The following IL1RAPL2 variants were observed in gnomAD, a reference collection of about 807,000 sequenced individuals.
IL1RAPL2 encodes the protein X-linked interleukin-1 receptor accessory protein-like 2.
In IL1RAPL2, 3 loss-of-function variants were observed where a neutral mutation model predicts 44.1. The ratio of observed to expected loss-of-function variants is 0.07; its 90% CI spans 0.03 to 0.18. The LOEUF is 0.18. Among genes scored for constraint, IL1RAPL2 ranks in the 10% least tolerant of loss-of-function variants. The pLI, the probability that IL1RAPL2 is intolerant of heterozygous loss-of-function variation, is 1.00. For synonymous variants in IL1RAPL2, 181 were observed against 178.8 expected (o/e 1.01, Z -0.10); for missense variants, 391 against 496.4 (o/e 0.79, Z 2.02).
At chrX:105,592,246 TTTG>T (rs373000398) in intron 6 of IL1RAPL2, among the ~76,000 whole-genome samples, 70 of 112,073 alleles carry the variant, frequency 6.2e-4, no homozygotes, top group African/African-American at 2.1e-3. Flanking sequence ...CCGTCAATTT[TTTG>T]TTGTTGTTGT....
At chrX:104,632,637 TC>T (rs1187666467) in intron 1 of IL1RAPL2, among the ~76,000 whole-genome samples, 1 of 107,447 alleles carries the variant, frequency 9.3e-6, no homozygotes, top group Non-Finnish European at 1.9e-5. Flanking sequence ...GATTTGGCTC[TC>T]TGTTTGTCTG....
At chrX:104,830,224 A>G (rs1156393007) in intron 2 of IL1RAPL2, among the ~76,000 whole-genome samples, 1 of 111,379 alleles carries the variant, frequency 9.0e-6, no homozygotes, top group Admixed American at 9.6e-5. Context: ...ACATATTCAG[A>G]GGTATGTTTT....
At chrX:105,009,427 G>T (rs759437978) in intron 2 of IL1RAPL2, among the ~76,000 whole-genome samples, 6,014 of 106,162 alleles carry the variant, frequency 0.057, 505 homozygotes, top group African/African-American at 0.2. Context: ...CCATAAAAAA[G>T]GATGAGTTCA....
chrX:105,067,183 A>G (rs1049671153), intron 2 of IL1RAPL2, among the ~76,000 whole-genome samples: 1 of 111,563 alleles, frequency 9.0e-6, no homozygotes. Flanking sequence ...GGAAACTTTA[A>G]AACTCAGGTA....
chrX:104,715,680 T>TAAAA (rs774607456), intron 2 of IL1RAPL2, among the ~76,000 whole-genome samples: 51 of 98,890 alleles, frequency 5.2e-4, no homozygotes, highest in African/African-American at 1.9e-3. Flanking sequence ...TCACAATTGC[T>TAAAA]AAAAAAAAAA....
intron 2 of IL1RAPL2, among the ~76,000 whole-genome samples, chrX:105,135,190 T>C (rs900731538): frequency 1.8e-5 from 2 of 111,654 alleles, no homozygotes; most frequent in African/African-American, 3.2e-5. Flanking sequence ...TTGTGGAATA[T>C]ACTAGCATGA....
At chrX:105,658,083 G>A (rs2037689940) in intron 6 of IL1RAPL2, among the ~76,000 whole-genome samples, 1 of 110,872 alleles carries the variant, frequency 9.0e-6, no homozygotes, top group Non-Finnish European at 1.9e-5. Flanking sequence ...AATACTATTA[G>A]TCTATGTGAA....
chrX:105,031,480 T>A (rs1032559150), intron 2 of IL1RAPL2, among the ~76,000 whole-genome samples: 5 of 111,952 alleles, frequency 4.5e-5, no homozygotes, highest in Non-Finnish European at 7.5e-5. Context: ...TCAAAGGCCT[T>A]TTCTGCATCT....
chrX:104,646,776 G>A (rs1242241673), intron 1 of IL1RAPL2, among the ~76,000 whole-genome samples: 5 of 111,105 alleles, frequency 4.5e-5, no homozygotes, highest in Admixed American at 9.6e-5. Context: ...CTCTGGCCTG[G>A]AAGTGACATG....
At chrX:105,352,992 A>G (rs1248454332) in intron 5 of IL1RAPL2, among the ~76,000 whole-genome samples, 2 of 111,171 alleles carry the variant, frequency 1.8e-5, no homozygotes, top group African/African-American at 3.3e-5. Context: ...TGTTTTTGTC[A>G]TGAAGTCCTT....
intron 6 of IL1RAPL2, among the ~76,000 whole-genome samples, chrX:105,553,087 T>C (rs377756077): frequency 5.3e-5 from 6 of 112,279 alleles, no homozygotes; most frequent in South Asian, 7.4e-4. Flanking sequence ...TGGCAGAGCT[T>C]AGTGAATAAG....
At chrX:104,669,675 A>G (rs980676643) in intron 2 of IL1RAPL2, among the ~76,000 whole-genome samples, 2 of 111,588 alleles carry the variant, frequency 1.8e-5, no homozygotes, top group African/African-American at 3.3e-5. Flanking sequence ...TGTTTTAACT[A>G]CAAGGTGATT....
At chrX:105,279,262 G>T (rs955181847) in intron 5 of IL1RAPL2, among the ~76,000 whole-genome samples, 1 of 111,029 alleles carries the variant, frequency 9.0e-6, no homozygotes, top group African/African-American at 3.3e-5. Context: ...TGTCATTTTA[G>T]CCCTGCTTTA....
chrX:104,668,418 T>C (rs1418611502), intron 2 of IL1RAPL2, among the ~76,000 whole-genome samples: 2 of 106,298 alleles, frequency 1.9e-5, no homozygotes, highest in Non-Finnish European at 3.9e-5. Flanking sequence ...GCTGGTGTGC[T>C]GCACCCATTA....
chrX:104,873,198 G>T, intron 2 of IL1RAPL2, among the ~76,000 whole-genome samples: 1 of 111,058 alleles, frequency 9.0e-6, no homozygotes, highest in South Asian at 3.8e-4. Context: ...CTTCTGGGTT[G>T]CAGAAAAGTG....
At chrX:105,688,548 A>C (rs1051165738) in intron 6 of IL1RAPL2, among the ~76,000 whole-genome samples, 3 of 111,796 alleles carry the variant, frequency 2.7e-5, no homozygotes, top group African/African-American at 9.8e-5. Context: ...GAGAACTACT[A>C]ACCACTGCTC....
At chrX:105,766,797 G>T (rs377012174) in intron 10 of IL1RAPL2, among the ~76,000 whole-genome samples, 167 bp from the exon 11 acceptor site, 1 of 101,132 alleles carries the variant, frequency 9.9e-6, no homozygotes, top group Non-Finnish European at 2.0e-5. Flanking sequence ...ATTATAAGCA[G>T]TTTTTTTTTT....
chrX:105,684,207 G>A (rs969974093), intron 6 of IL1RAPL2, among the ~76,000 whole-genome samples: 2 of 112,307 alleles, frequency 1.8e-5, no homozygotes, highest in Non-Finnish European at 3.8e-5. Flanking sequence ...CCTACAGAGG[G>A]CGAGCTGAAG....
At chrX:105,421,782 A>C (rs928240775) in intron 5 of IL1RAPL2, among the ~76,000 whole-genome samples, 3 of 111,778 alleles carry the variant, frequency 2.7e-5, no homozygotes. Context: ...CTGAAGTTTA[A>C]GTTGTCTAGC....
Sources: allele counts gnomAD v4.1 joint callset (sites outside exome capture counted in the v4.1 genomes callset), GRCh38; gene constraint gnomAD v4.1.1; transcripts MANE v1.5; gene names NCBI Gene and HGNC (gene_info 2026-07-23, HGNC 2026-07-21).